MTHFS: variants seen among roughly 807,000 people sequenced by gnomAD.
MTHFS encodes the protein methenyltetrahydrofolate synthetase.
Under a neutral mutation model 12.7 loss-of-function variants are expected in MTHFS, and 7 were observed. That is an observed-to-expected ratio of 0.55 (90% CI 0.31 to 1.03). The LOEUF (loss-of-function observed/expected upper bound fraction) is 1.03, where lower values mean the gene tolerates loss of function less well. MTHFS is among the 50% of genes least tolerant of loss of function. MTHFS has a pLI of 0.05. For missense variants in MTHFS, 252 were observed against 258.1 expected (o/e 0.98, Z 0.16); for synonymous variants, 100 against 97.1 (o/e 1.03, Z -0.18).
chr15:79,847,378 AAAAACTGGGC>A (rs1344613048), intron 2 of MTHFS, among the ~76,000 whole-genome samples: 3 of 152,108 alleles, frequency 2.0e-5, no homozygotes, highest in Non-Finnish European at 4.4e-5. Flanking sequence ...TAACCCAATT[AAAAACTGGGC>A]AAAAGACTTA....
chr15:79,887,740 G>A (rs953661661), intron 2 of MTHFS, among the ~76,000 whole-genome samples: 3 of 152,136 alleles, frequency 2.0e-5, no homozygotes, highest in East Asian at 3.8e-4. Context: ...TAAAATGCTT[G>A]CAATCTTTCC....
rs2033577803 is a variant in MTHFS at position 79,844,687 on chromosome 15, C to T, written c.*523G>A. Among the ~76,000 whole-genome samples the T allele has an allele frequency of 6.6e-6, 1 of 152,078 alleles. No individual in the cohort carries two copies. Among genetic ancestry groups the T allele is most frequent in the African/African-American group, 2.4e-5 (1 of 41,400 alleles). On this transcript the variant is annotated 3_prime_UTR_variant, in exon 3 of 3. Coordinates refer to ENST00000258874, the MANE Select transcript of MTHFS (RefSeq NM_006441.4). ...TCCCTCCACTAACCACCAAAAGCTACAAAGTGTCCAACATAAAATTCTAGA... is the reference window on the plus strand; with the variant it reads ...TCCCTCCACTAACCACCAAAAGCTATAAAGTGTCCAACATAAAATTCTAGA...
At chr15:79,849,760 A>G (rs934769079) in intron 2 of MTHFS, among the ~76,000 whole-genome samples, 1 of 152,272 alleles carries the variant, frequency 6.6e-6, no homozygotes, top group Non-Finnish European at 1.5e-5. Flanking sequence ...GTTAGTGGGC[A>G]CAGAGCTCTC....
chr15:79,856,701 T>A lies in MTHFS; in HGVS notation c.380-11259A>T, dbSNP rs151337365. On this transcript the variant is annotated intron_variant, in intron 2 of 2. Coordinates refer to ENST00000258874, the MANE Select transcript of MTHFS (RefSeq NM_006441.4). ...GAGATCTGTTGCACAGCAATGTGAA[T>A]ATACTTAACACTCCTGAACTGTACC... Among the ~76,000 whole-genome samples, 1,152 of 152,304 alleles carry A rather than the reference T, an allele frequency of 7.6e-3. 6 individuals are homozygous for A. Among genetic ancestry groups the A allele is most frequent in the Middle Eastern group, 0.02 (6 of 294 alleles).
chr15:79,889,060 A>G, intron 2 of MTHFS, 33 bp downstream of exon 2: 2 of 1,608,534 alleles, frequency 1.2e-6, no homozygotes, highest in Non-Finnish European at 8.5e-7. Flanking sequence ...AACTGGTCAT[A>G]ATCTAACAAC....
At chr15:79,864,544 C>CAAAAA (rs1566990932) in intron 2 of MTHFS, among the ~76,000 whole-genome samples, 11 of 23,732 alleles carry the variant, frequency 4.6e-4, no homozygotes, top group African/African-American at 2.2e-3. Flanking sequence ...GACTCCATCT[C>CAAAAA]AACAAAAAAA....
intron 2 of MTHFS, among the ~76,000 whole-genome samples, chr15:79,867,611 TA>T (rs924055782): frequency 4.4e-4 from 62 of 141,002 alleles, no homozygotes; most frequent in East Asian, 8.1e-4. Context: ...ATGATGGTCA[TA>T]AAAAAAAAAA....
chr15:79,887,290 C>T (rs1171651264), intron 2 of MTHFS, among the ~76,000 whole-genome samples: 4 of 152,144 alleles, frequency 2.6e-5, no homozygotes, highest in African/African-American at 9.7e-5. Context: ...ATTATCCTAA[C>T]CAAGAAGTGT....
chr15:79,885,584 G>A (rs1463874104), intron 2 of MTHFS, among the ~76,000 whole-genome samples: 1 of 152,168 alleles, frequency 6.6e-6, no homozygotes, highest in East Asian at 1.9e-4. Context: ...TTTCTTCCTG[G>A]TCACAAAGAA....
chr15:79,883,561 G>A (rs889915135), intron 2 of MTHFS, among the ~76,000 whole-genome samples: 17 of 152,172 alleles, frequency 1.1e-4, no homozygotes, highest in African/African-American at 3.1e-4. Flanking sequence ...TAAGAATTAC[G>A]GAAGAAAAGG....
chr15:79,887,753 T>C (rs531841818), intron 2 of MTHFS, among the ~76,000 whole-genome samples: 1 of 152,342 alleles, frequency 6.6e-6, no homozygotes, highest in Non-Finnish European at 1.5e-5. Context: ...ATCTTTCCCC[T>C]TGAAAATATG....
intron 2 of MTHFS, among the ~76,000 whole-genome samples, chr15:79,858,670 C>T (rs1164746492): frequency 6.6e-6 from 1 of 152,142 alleles, no homozygotes; most frequent in African/African-American, 2.4e-5. Context: ...ATTTGTAAAA[C>T]ACTGACATCT....
In MTHFS at chr15:79,845,448, G is replaced by C; in HGVS notation, c.380-6C>G. On this transcript the variant is annotated splice_polypyrimidine_tract_variant and splice_region_variant and intron_variant, in intron 2 of 2. Coordinates refer to ENST00000258874, the MANE Select transcript of MTHFS (RefSeq NM_006441.4). ...GAAGATGAGATCAAGTCCCCCTGCG[G>C]AAAAGAGGAACAAATTTAAGAGGAT... 2 of 1,609,626 alleles carry C rather than the reference G, an allele frequency of 1.2e-6. No individual in the cohort carries two copies.
intron 2 of MTHFS, among the ~76,000 whole-genome samples, chr15:79,848,603 G>A (rs1397804177): frequency 6.6e-6 from 1 of 152,216 alleles, no homozygotes; most frequent in Admixed American, 6.5e-5. Flanking sequence ...AGAAAAGGCA[G>A]AAGTTTGGAA....
chr15:79,866,543 G>A (rs139067812), intron 2 of MTHFS, among the ~76,000 whole-genome samples: 47 of 152,202 alleles, frequency 3.1e-4, no homozygotes, highest in Non-Finnish European at 6.0e-4. Context: ...GACAGTAGGT[G>A]TGCAGGATCT....
intron 2 of MTHFS, among the ~76,000 whole-genome samples, chr15:79,867,927 G>A (rs1459188491): frequency 6.6e-6 from 1 of 151,920 alleles, no homozygotes; most frequent in Non-Finnish European, 1.5e-5. Flanking sequence ...GTGTGTGTGT[G>A]AGAGAGAGAG....
intron 2 of MTHFS, among the ~76,000 whole-genome samples, chr15:79,856,111 T>G (rs2033797064): frequency 6.6e-6 from 1 of 152,230 alleles, no homozygotes; most frequent in South Asian, 2.1e-4. Context: ...CCACAATGGC[T>G]GAACTAATTT....
intron 2 of MTHFS, among the ~76,000 whole-genome samples, chr15:79,862,571 C>A (rs971564499): frequency 6.6e-6 from 1 of 152,140 alleles, no homozygotes; most frequent in African/African-American, 2.4e-5. Context: ...CTCATTCCAG[C>A]ATCCCTTTAT....
chr15:79,856,060 A>C (rs144912739), intron 2 of MTHFS, among the ~76,000 whole-genome samples: 2 of 152,270 alleles, frequency 1.3e-5, no homozygotes, highest in African/African-American at 4.8e-5. Flanking sequence ...GTCGAATGGT[A>C]ATTCTGTCTT....
Sources: allele counts gnomAD v4.1 joint callset (sites outside exome capture counted in the v4.1 genomes callset), GRCh38; gene constraint gnomAD v4.1.1; transcripts MANE v1.5; gene names NCBI Gene and HGNC (gene_info 2026-07-23, HGNC 2026-07-21).